Variants in SGSM2 observed in about 807,000 individuals in gnomAD.
SGSM2 encodes the protein small G protein signaling modulator 2.
SGSM2 carries 89 observed loss-of-function variants against 126.6 expected under a neutral mutation model. The observed-to-expected ratio is 0.70, with a 90% CI of 0.59 to 0.84. The LOEUF (loss-of-function observed/expected upper bound fraction) is 0.84, where lower values mean the gene tolerates loss of function less well. Among genes scored for constraint, SGSM2 ranks in the 40% least tolerant of loss-of-function variants. The pLI is 0.00. For missense variants in SGSM2, 1,404 were observed against 1,416.6 expected (o/e 0.99, Z 0.14); for synonymous variants, 614 against 574.3 (o/e 1.07, Z -0.99).
rs1028820433 is a variant in SGSM2, at chr17:2,379,692, A to C, written c.*172A>C. ...CAGTGCTGACCCTGCAGGGCAAGTC[A>C]GGGGCCAGGATGCCCTCGGATCAGG... is the stretch of plus-strand genomic sequence containing the variant. On this transcript the variant is annotated 3_prime_UTR_variant, in exon 24 of 24. Transcript: ENST00000268989. 12 of 1,424,610 alleles carry C rather than the reference A, an allele frequency of 8.4e-6. No individual in the cohort carries two copies. The highest frequency in any genetic ancestry group is 1.1e-5 in the Non-Finnish European group (12 of 1,088,144). 88.2% of individuals were successfully genotyped at this position (1,424,610 alleles called of 1,614,324 possible).
chr17:2,340,854 G>A (rs183064151), intron 1 of SGSM2, among the ~76,000 whole-genome samples: 8 of 152,334 alleles, frequency 5.3e-5, no homozygotes, highest in African/African-American at 1.7e-4. Flanking sequence ...AAAGTGCTGG[G>A]ATTATAGTCG....
chr17:2,343,924 T>A (rs2064483111), intron 2 of SGSM2, among the ~76,000 whole-genome samples: 1 of 152,172 alleles, frequency 6.6e-6, no homozygotes, highest in Non-Finnish European at 1.5e-5. Flanking sequence ...CCCTGGAGTT[T>A]CTGATTCTAG....
In SGSM2 at chr17:2,363,901, G is replaced by A. The variant is rs897427090; in HGVS notation, c.808-158G>A. On this transcript the variant is annotated intron_variant, in intron 7 of 23. Transcript: ENST00000268989. The surrounding 1 kb of genome is among the most constrained non-coding windows in gnomAD (Gnocchi z 4.2). The stretch of plus-strand genomic sequence containing the variant: ...GCACCAGGCTGACCAGGGAAACTGA[G>A]TCCTGTTTTCCTGTGCTTCTGCCCC... The A allele has an allele frequency of 3.4e-6, 3 of 889,602 alleles. No homozygotes were observed. Among genetic ancestry groups the A allele is most frequent in the East Asian group, 5.2e-5 (2 of 38,152 alleles). The allele number at this position is 889,602 out of a possible 1,614,324, so 55.1% of individuals were successfully genotyped here. A position where few individuals can be genotyped will look rare whatever the true frequency, so the allele number is the denominator to read the frequency against.
At chr17:2,344,351 C>G (rs1172907306) in intron 2 of SGSM2, among the ~76,000 whole-genome samples, 1 of 152,198 alleles carries the variant, frequency 6.6e-6, no homozygotes, top group African/African-American at 2.4e-5. Flanking sequence ...TTCCTCTCAA[C>G]CCCCCATCTG....
At chr17:2,365,377 G>A in intron 11 of SGSM2, 36 bp downstream of exon 11, 2 of 1,506,958 alleles carry the variant, frequency 1.3e-6, no homozygotes, top group South Asian at 1.3e-5. Flanking sequence ...GGGAGGAGAG[G>A]AAGACGCTCT....
In SGSM2 at chr17:2,364,905, G is replaced by A. The variant is rs1164374435; in HGVS notation, c.1009G>A (p.Gly337Ser). Residue 337 changes from glycine (G) to serine (S), a missense_variant, in exon 10 of 24, where the codon GGC becomes AGC. Transcript: ENST00000268989. ...TCCACGTTCACCCCCAGAGAGCGGT[G>A]GCACGCTTGTGCTGGTGAGCCAGGA... Reference protein sequence around the residue: ...CIHCHQQKSGGTLVLVSQDGI... With the variant: ...CIHCHQQKSGSTLVLVSQDGI... The A allele has an allele frequency of 2.5e-6, 4 of 1,609,682 alleles. No homozygotes were observed. In the African/African-American group the frequency reaches 5.3e-5, roughly 21 times the overall value.
chr17:2,364,799 C>G, intron 9 of SGSM2, 98 bp from the exon 10 acceptor site: 1 of 1,568,858 alleles, frequency 6.4e-7, no homozygotes, highest in Non-Finnish European at 8.7e-7. Context: ...CATGCTGTAG[C>G]CCAGCCATCT....
In SGSM2 at chr17:2,362,659, C is replaced by A. The variant is rs1294290303; in HGVS notation, c.459-179C>A. Among the ~76,000 whole-genome samples the A allele has an allele frequency of 6.6e-6, 1 of 152,252 alleles. No homozygotes were observed. The highest frequency in any genetic ancestry group is 1.9e-4 in the East Asian group (1 of 5,204). ...CAACCCTCCATCTCCCCGTCCCCTTCGGTGCCCTCAAGGCATTGGCCATAC... is the reference window on the plus strand; with the variant it reads ...CAACCCTCCATCTCCCCGTCCCCTTAGGTGCCCTCAAGGCATTGGCCATAC... On this transcript the variant is annotated intron_variant, in intron 4 of 23. Coordinates refer to ENST00000268989, the MANE Select transcript of SGSM2 (RefSeq NM_014853.3). This position sits in a 1 kb window ranked among gnomAD's most constrained non-coding sequence, Gnocchi z 4.9.
intron 9 of SGSM2, 94 bp from the exon 10 acceptor site, chr17:2,364,803 G>C (rs2065480646): frequency 6.4e-7 from 1 of 1,571,388 alleles, no homozygotes; most frequent in African/African-American, 1.3e-5. Context: ...CTGTAGCCCA[G>C]CCATCTGCCT....
At chr17:2,346,023 C>A (rs893889108) in intron 2 of SGSM2, among the ~76,000 whole-genome samples, 4 of 152,198 alleles carry the variant, frequency 2.6e-5, no homozygotes, top group Non-Finnish European at 4.4e-5. Context: ...CACCACCCCT[C>A]TCTGCCTTTT....
At position 2,372,048 on chromosome 17, in the gene SGSM2, A is replaced by G; in HGVS notation, c.1578-142A>G. On this transcript the variant is annotated intron_variant, in intron 13 of 23. Coordinates refer to ENST00000268989, the MANE Select transcript of SGSM2 (RefSeq NM_014853.3). The surrounding 1 kb of genome is among the most constrained non-coding windows in gnomAD (Gnocchi z 6.0). ...GCAGGCAGGGACAGGGCACCCACTG[A>G]CGGCTGCTGGGCTGCGGCTCCTCCT... The G allele has an allele frequency of 1.0e-6, 1 of 973,618 alleles. No individual in the cohort carries two copies. The highest frequency in any genetic ancestry group is 1.6e-6 in the Non-Finnish European group (1 of 641,460). The allele number at this position is 973,618 out of a possible 1,614,324, so 60.3% of individuals were successfully genotyped here. A position where few individuals can be genotyped will look rare whatever the true frequency, so the allele number is the denominator to read the frequency against.
intron 18 of SGSM2, 32 bp from the exon 19 acceptor site, chr17:2,376,105 G>C (rs754726023): frequency 4.1e-5 from 66 of 1,613,642 alleles, no homozygotes; most frequent in Non-Finnish European, 5.5e-5. Context: ...GGGCTGCCCG[G>C]TCTCATGCCT....
chr17:2,345,974 G>A (rs1429079154), intron 2 of SGSM2, among the ~76,000 whole-genome samples: 2 of 152,124 alleles, frequency 1.3e-5, no homozygotes, highest in Non-Finnish European at 2.9e-5. Flanking sequence ...ACTCTTGCGG[G>A]GGACGGGGAG....
At chr17:2,338,126 G>A (rs1050994610) in intron 1 of SGSM2, among the ~76,000 whole-genome samples, 3 of 152,136 alleles carry the variant, frequency 2.0e-5, no homozygotes, top group African/African-American at 4.8e-5. Flanking sequence ...CTCCCGCGGC[G>A]CAGGTGGGTG....
intron 12 of SGSM2, among the ~76,000 whole-genome samples, chr17:2,370,030 G>A (rs1330747952): frequency 1.3e-5 from 2 of 152,192 alleles, no homozygotes; most frequent in East Asian, 3.9e-4. Flanking sequence ...GAGGGAACCG[G>A]AAGGGGCTCA....
chr17:2,371,971 T>C (rs2065891940), intron 13 of SGSM2: 2 of 572,100 alleles, frequency 3.5e-6, no homozygotes, highest in East Asian at 6.0e-5. Context: ...TTGACCAAGA[T>C]CCCTGGGTGG....
rs565001296 is a variant in SGSM2 at position 2,337,630 on chromosome 17, C to G, written c.-59C>G. 7.9e-7 allele frequency: 1 copy of G among 1,273,234 alleles called. No individual in the cohort carries two copies. The highest frequency in any genetic ancestry group is 1.0e-6 in the Non-Finnish European group (1 of 973,308). 78.9% of individuals were successfully genotyped at this position (1,273,234 alleles called of 1,614,324 possible). ...GCGTGGGGCGCTGAGCCGAGAGGCGCGGAGGCGGCGAGGGCGCGGGGGCTC... is the reference window on the plus strand; with the variant it reads ...GCGTGGGGCGCTGAGCCGAGAGGCGGGGAGGCGGCGAGGGCGCGGGGGCTC... On this transcript the variant is annotated 5_prime_UTR_variant, in exon 1 of 24. Transcript: ENST00000268989. The surrounding 1 kb of genome is among the most constrained non-coding windows in gnomAD (Gnocchi z 5.1).
In SGSM2 at chr17:2,360,768, G is replaced by T. The variant is rs903617954; in HGVS notation, c.134-869G>T. Among the ~76,000 whole-genome samples the T allele has an allele frequency of 2.6e-5, 4 of 152,216 alleles. No individual in the cohort carries two copies. In the East Asian group the frequency reaches 7.7e-4, roughly 29 times the overall value. On this transcript the variant is annotated intron_variant, in intron 2 of 23. Coordinates refer to ENST00000268989, the MANE Select transcript of SGSM2 (RefSeq NM_014853.3). Reference sequence around the variant, plus strand: ...ACCTCCTTCTCCCCTCAGTGTCCCTGCCCCCAACCAGACACACCTGGACGT... The same window carrying T: ...ACCTCCTTCTCCCCTCAGTGTCCCTTCCCCCAACCAGACACACCTGGACGT...
chr17:2,351,416 A>G (rs1277321315), intron 2 of SGSM2, among the ~76,000 whole-genome samples: 1 of 152,154 alleles, frequency 6.6e-6, no homozygotes, highest in Non-Finnish European at 1.5e-5. Flanking sequence ...AGCTCTGGTC[A>G]TTGAACTGTG....
Sources: allele counts gnomAD v4.1 joint callset (sites outside exome capture counted in the v4.1 genomes callset), GRCh38; gene constraint gnomAD v4.1.1; non-coding constraint Gnocchi (gnomAD v3.1); transcripts MANE v1.5; gene names NCBI Gene and HGNC (gene_info 2026-07-23, HGNC 2026-07-21).